DNAH14: variants seen among roughly 807,000 people sequenced by gnomAD.
The protein encoded by DNAH14 is dynein axonemal heavy chain 14.
Under a neutral mutation model 520.9 loss-of-function variants are expected in DNAH14, and 478 were observed. That is an observed-to-expected ratio of 0.92 (90% CI 0.85 to 0.99). DNAH14 has a LOEUF of 0.99. DNAH14 is among the 50% of genes least tolerant of loss of function. The pLI is 0.00. For synonymous variants in DNAH14, 1,581 were observed against 1,757.2 expected (o/e 0.90, Z 2.51); for missense variants, 4,831 against 5,234.5 (o/e 0.92, Z 2.38).
intron 4 of DNAH14, among the ~76,000 whole-genome samples, chr1:224,962,911 A>G (rs1028840935): frequency 7.9e-5 from 12 of 152,172 alleles, no homozygotes; most frequent in Non-Finnish European, 2.9e-5. Flanking sequence ...TGGAAATGCT[A>G]ATTTATGATA....
At chr1:225,068,600 G>A (rs1422588202) in intron 17 of DNAH14, among the ~76,000 whole-genome samples, 3 of 152,098 alleles carry the variant, frequency 2.0e-5, no homozygotes, top group African/African-American at 7.2e-5. Context: ...TTCTCCATTT[G>A]TTTGTATCCT....
chr1:225,287,614 A>G (rs896773106), intron 54 of DNAH14, among the ~76,000 whole-genome samples: 2 of 152,156 alleles, frequency 1.3e-5, no homozygotes, highest in Non-Finnish European at 2.9e-5. Context: ...ACATTTATTT[A>G]TTTGCTGTGT....
intron 17 of DNAH14, among the ~76,000 whole-genome samples, chr1:225,063,385 G>C (rs2070432254): frequency 6.6e-6 from 1 of 151,938 alleles, no homozygotes; most frequent in South Asian, 2.1e-4. Flanking sequence ...GTTTTTACTT[G>C]TATTATTTTT....
intron 21 of DNAH14, among the ~76,000 whole-genome samples, chr1:225,091,404 C>T (rs183817459): frequency 6.6e-6 from 1 of 152,068 alleles, no homozygotes; most frequent in South Asian, 2.1e-4. Flanking sequence ...ACCCTACAAG[C>T]CAAAAGAGAT....
Position 225,220,281 on chromosome 1 carries a change from C to T in DNAH14, c.6440-10792C>T, listed in dbSNP as rs1047139943. On this transcript the variant is annotated intron_variant, in intron 41 of 85. Coordinates refer to ENST00000682510, the MANE Select transcript of DNAH14 (RefSeq NM_001367479.1). ...AATGCCCAGTCTCACCACTCCTAAT[C>T]AACATAGTATTGGAAGTTCTGGCCT... Among the ~76,000 whole-genome samples, 3 of 152,198 alleles carry T rather than the reference C, an allele frequency of 2.0e-5. No homozygotes were observed. In the East Asian group the frequency reaches 5.8e-4, roughly 29 times the overall value.
At chr1:225,289,398 G>A (rs769190015) in intron 54 of DNAH14, among the ~76,000 whole-genome samples, 9 of 152,082 alleles carry the variant, frequency 5.9e-5, no homozygotes, top group African/African-American at 1.7e-4. Flanking sequence ...GTACTAAAAA[G>A]CATTGAATTA....
intron 41 of DNAH14, among the ~76,000 whole-genome samples, chr1:225,208,424 G>A (rs999832481): frequency 6.6e-6 from 1 of 152,120 alleles, no homozygotes; most frequent in Admixed American, 6.6e-5. Flanking sequence ...AACAGTCAAG[G>A]AACTCTCAGA....
At chr1:225,105,078 A>G (rs2075901596) in intron 23 of DNAH14, among the ~76,000 whole-genome samples, 2 of 152,260 alleles carry the variant, frequency 1.3e-5, no homozygotes, top group Non-Finnish European at 2.9e-5. Flanking sequence ...AGATTCTGGT[A>G]TGTTGTGTCT....
chr1:224,943,119 G>T (rs1303781025), intron 1 of DNAH14, among the ~76,000 whole-genome samples: 1 of 152,198 alleles, frequency 6.6e-6, no homozygotes, highest in Non-Finnish European at 1.5e-5. Context: ...ATTCGGCTGT[G>T]AATTCATGTG....
intron 82 of DNAH14, among the ~76,000 whole-genome samples, chr1:225,388,931 G>T (rs1170333683): frequency 6.6e-6 from 1 of 152,078 alleles, no homozygotes; most frequent in South Asian, 2.1e-4. Flanking sequence ...CCAGCTCATT[G>T]TTTGTATTTT....
In DNAH14 at chr1:225,252,359, A is replaced by G. The variant is rs993769538; in HGVS notation, c.6807A>G (p.Gln2269=). 6 of 1,549,914 alleles carry G rather than the reference A, an allele frequency of 3.9e-6. No homozygotes were observed. In the African/African-American group the frequency reaches 8.2e-5, roughly 21 times the overall value. Residue 2269 remains glutamine (Q), a synonymous_variant, in exon 44 of 86, where the codon CAA becomes CAG. Transcript: ENST00000682510. The stretch of plus-strand genomic sequence containing the variant: ...TTGGATATTTTGTGGATATAGAGCA[A>G]TGTGAATTCATACCTTGGTCAGATT... ...SIFGYFVDIE[Q]CEFIPWSDLV... is the part of the protein sequence containing the mutation.
chr1:225,099,661 C>A (rs1573060433), intron 22 of DNAH14, among the ~76,000 whole-genome samples: 1 of 152,144 alleles, frequency 6.6e-6, no homozygotes, highest in Non-Finnish European at 1.5e-5. Context: ...AAGATCTCCA[C>A]CCAAAAATGG....
At position 224,993,412 on chromosome 1, in the gene DNAH14, G is replaced by T. The variant is rs544339682; in HGVS notation, c.831-9371G>T. Among the ~76,000 whole-genome samples, 281 of 152,038 alleles carry T rather than the reference G, an allele frequency of 1.8e-3. 1 individual carries two copies. The highest frequency in any genetic ancestry group is 6.6e-3 in the African/African-American group (275 of 41,522). On this transcript the variant is annotated intron_variant, in intron 8 of 85. Coordinates refer to ENST00000682510, the MANE Select transcript of DNAH14 (RefSeq NM_001367479.1). ...CTGTTCAGATTTTCTGTTTCTTCAT[G>T]ATTAAGTCTGGGTAGGTGATATGTG... is the stretch of plus-strand genomic sequence containing the variant.
At chr1:225,230,187 A>G (rs1319222103) in intron 41 of DNAH14, among the ~76,000 whole-genome samples, 1 of 152,186 alleles carries the variant, frequency 6.6e-6, no homozygotes, top group East Asian at 1.9e-4. Flanking sequence ...ACTTATAATC[A>G]TAAAACAACA....
chr1:225,063,417 G>GT (rs1219841538), intron 17 of DNAH14, among the ~76,000 whole-genome samples: 1 of 151,852 alleles, frequency 6.6e-6, no homozygotes, highest in Non-Finnish European at 1.5e-5. Context: ...TTTTTTTGTT[G>GT]TTTTTTAAAA....
intron 4 of DNAH14, among the ~76,000 whole-genome samples, chr1:224,960,841 C>G (rs981734446): frequency 6.6e-6 from 1 of 152,218 alleles, no homozygotes; most frequent in African/African-American, 2.4e-5. Context: ...GCTATTGAAG[C>G]CTAAGCTTCA....
rs1345344037 is a variant in DNAH14, at chr1:225,051,671, G to C, written c.2300G>C (p.Gly767Ala). Reference sequence around the variant, plus strand: ...AATATGGCCATTGAGAAGCGTATTGGTATTTTCAACGTTGTAAGTCTTGAT... The same window carrying C: ...AATATGGCCATTGAGAAGCGTATTGCTATTTTCAACGTTGTAAGTCTTGAT... ...IVNMAIEKRI[G>A]IFNVVSLDYQ... The change falls in exon 17 of 86, where the codon GGT (glycine) becomes GCT (alanine). Residue 767 changes from glycine (G) to alanine (A), a missense_variant. Physicochemically the swap from Gly to Ala is moderately conservative, Grantham distance 60. Coordinates refer to ENST00000682510, the MANE Select transcript of DNAH14 (RefSeq NM_001367479.1). 1.9e-6 allele frequency: 3 copies of C among 1,550,900 alleles called. No homozygotes were observed. The highest frequency in any genetic ancestry group is 2.6e-6 in the Non-Finnish European group (3 of 1,146,584).
chr1:225,038,886 A>G, intron 12 of DNAH14, 63 bp downstream of exon 12: 1 of 1,327,470 alleles, frequency 7.5e-7, no homozygotes, highest in Non-Finnish European at 1.0e-6. Flanking sequence ...ACATTTTAAA[A>G]TTTAAAATGT....
rs1003387253 is a variant in DNAH14, at chr1:225,153,615, A to T, written c.5197-135A>T. On this transcript the variant is annotated intron_variant, in intron 33 of 85. Transcript: ENST00000682510. ...AATGAGAGCATTAGCAGTATAACCA[A>T]GGGTTTTTTGGATTCATGTCACTGT... 8.8e-6 allele frequency: 5 copies of T among 570,864 alleles called. No homozygotes were observed. The African/African-American group carries it at 9.6e-5, about 11-fold the overall frequency. The allele number at this position is 570,864 out of a possible 1,614,324, so 35.4% of individuals were successfully genotyped here. A position where few individuals can be genotyped will look rare whatever the true frequency, so the allele number is the denominator to read the frequency against.
Sources: gnomAD v4.1 joint callset for allele counts (sites outside exome capture counted in the v4.1 genomes callset) on GRCh38, gnomAD v4.1.1 for gene constraint, MANE v1.5 for transcripts, NCBI Gene and HGNC (gene_info 2026-07-23, HGNC 2026-07-21) for gene names.